The following LRBA variants were observed in gnomAD, a reference collection of about 807,000 sequenced individuals.
The protein encoded by LRBA is LPS responsive beige-like anchor protein.
A neutral mutation model predicts 330.0 loss-of-function variants in LRBA; 176 were observed. The observed-to-expected ratio is 0.53, with a 90% confidence interval of 0.47 to 0.60. The LOEUF (loss-of-function observed/expected upper bound fraction) is 0.60, where lower values mean the gene tolerates loss of function less well. Among genes scored for constraint, LRBA ranks in the 20% least tolerant of loss-of-function variants. LRBA has a pLI of 0.00. For synonymous variants in LRBA, 1,230 were observed against 1,193.0 expected, an observed-to-expected ratio of 1.03 and a Z score of -0.64; for missense variants, 3,259 against 3,444.8, an observed-to-expected ratio of 0.95 and a Z score of 1.35.
chr4:150,588,976 GA>G (rs1455057686), intron 39 of LRBA, among the ~76,000 whole-genome samples: 3 of 151,820 alleles, frequency 2.0e-5, no homozygotes, highest in African/African-American at 7.3e-5. Context: ...ATGTGTATTA[GA>G]GCTAAATATA....
At chr4:150,702,186 G>A (rs1380808058) in intron 36 of LRBA, among the ~76,000 whole-genome samples, 2 of 152,110 alleles carry the variant, frequency 1.3e-5, no homozygotes, top group African/African-American at 4.8e-5. Flanking sequence ...GATTTCGTTT[G>A]CACTGTATTT....
chr4:150,470,039 C>T (rs946866727), intron 43 of LRBA, among the ~76,000 whole-genome samples: 4 of 151,950 alleles, frequency 2.6e-5, no homozygotes, highest in Non-Finnish European at 5.9e-5. Context: ...AAAAATTAGC[C>T]GGGTGTGGTG....
In LRBA at chr4:150,916,650, A is replaced by G; in HGVS notation, c.734T>C (p.Ile245Thr). 1 of 1,600,964 alleles carries G rather than the reference A, an allele frequency of 6.2e-7. No homozygotes were observed. The highest frequency in any genetic ancestry group is 1.7e-5 in the Admixed American group (1 of 57,570). ...ATATGGTTTATCCTTATCTACATTG[A>G]TGTTATTTACAGGATCCATTCTAAG... ...TWLRMDPVNN[I>T]NVDKDKPYLY... The change falls in exon 6 of 57, where the codon ATC (isoleucine) becomes ACC (threonine). Residue 245 changes from isoleucine (I) to threonine (T), a missense_variant. By Grantham distance (89) the Ile-to-Thr change is moderately conservative. Transcript: ENST00000651943.
At chr4:150,573,584 A>G (rs1017116437) in intron 40 of LRBA, among the ~76,000 whole-genome samples, 6 of 152,318 alleles carry the variant, frequency 3.9e-5, no homozygotes, top group South Asian at 2.1e-4. Context: ...TCAATATGCT[A>G]TCTTTTCTTG....
At chr4:150,570,227 T>G (rs2152282546) in intron 40 of LRBA, among the ~76,000 whole-genome samples, 1 of 152,266 alleles carries the variant, frequency 6.6e-6, no homozygotes, top group East Asian at 1.9e-4. Context: ...CGGGAATTTT[T>G]TTTTCCTTCC....
chr4:150,842,752 G>A (rs914797393), intron 28 of LRBA, among the ~76,000 whole-genome samples: 5 of 152,132 alleles, frequency 3.3e-5, no homozygotes, highest in Non-Finnish European at 7.3e-5. Context: ...CTTACTAATT[G>A]TATAATCTTA....
chr4:150,803,083 T>TACAC (rs1553964882), intron 33 of LRBA, among the ~76,000 whole-genome samples: 2,376 of 128,430 alleles, frequency 0.019, 29 homozygotes, highest in South Asian at 0.041. Flanking sequence ...AAAATATATA[T>TACAC]ACACACACAC....
At chr4:150,670,324 C>T (rs77528237) in intron 37 of LRBA, among the ~76,000 whole-genome samples, 16,790 of 152,164 alleles carry the variant, frequency 0.11, 1,318 homozygotes, top group Non-Finnish European at 0.16. Context: ...TCACGATAAA[C>T]TAAAAAATAT....
intron 38 of LRBA, 139 bp downstream of exon 38, chr4:150,598,863 AAAATT>A: frequency 1.1e-6 from 1 of 895,030 alleles, no homozygotes; most frequent in Non-Finnish European, 1.7e-6. Context: ...TAACTATAAA[AAAATT>A]TAACTTCTCT....
intron 44 of LRBA, among the ~76,000 whole-genome samples, chr4:150,464,442 C>T (rs1329073259): frequency 6.6e-6 from 1 of 152,076 alleles, no homozygotes; most frequent in Non-Finnish European, 1.5e-5. Context: ...GCTCATTACA[C>T]AAGTCAAACT....
At chr4:150,811,227 T>C (rs1743673719) in intron 31 of LRBA, among the ~76,000 whole-genome samples, 1 of 152,210 alleles carries the variant, frequency 6.6e-6, no homozygotes, top group Non-Finnish European at 1.5e-5. Context: ...AATTAAATAG[T>C]TCTGTTTTCT....
chr4:150,357,053 A>G lies in LRBA; in HGVS notation c.7195-6894T>C, dbSNP rs1270803967. 2.0e-5 allele frequency among the ~76,000 whole-genome samples: 3 copies of G among 152,002 alleles called. No homozygotes were observed. In the East Asian group the frequency reaches 5.8e-4, roughly 29 times the overall value. ...CAGTTTTAAAAAATGAAATTTAGTCAACAACATACTGAAGTTCAGCCTGAA... is the reference window on the plus strand; with the variant it reads ...CAGTTTTAAAAAATGAAATTTAGTCGACAACATACTGAAGTTCAGCCTGAA... On this transcript the variant is annotated intron_variant, in intron 47 of 56. Transcript: ENST00000651943.
At chr4:150,626,502 T>TA (rs1776875660) in intron 37 of LRBA, among the ~76,000 whole-genome samples, 1 of 152,148 alleles carries the variant, frequency 6.6e-6, no homozygotes, top group Admixed American at 6.5e-5. Flanking sequence ...CTTCATACTC[T>TA]AGGGGTACAT....
intron 47 of LRBA, among the ~76,000 whole-genome samples, chr4:150,410,219 C>G (rs959113065): frequency 6.6e-6 from 1 of 151,844 alleles, no homozygotes; most frequent in Admixed American, 6.6e-5. Flanking sequence ...ATTTTCCATT[C>G]AGAGAAAAAA....
chr4:150,962,035 T>C (rs749012175), intron 2 of LRBA, among the ~76,000 whole-genome samples: 13 of 149,394 alleles, frequency 8.7e-5, no homozygotes, highest in Non-Finnish European at 1.5e-4. Flanking sequence ...CTAGGTAATC[T>C]AGCTACAAAG....
intron 15 of LRBA, 129 bp downstream of exon 15, chr4:150,897,610 T>C: frequency 1.6e-6 from 1 of 625,970 alleles, no homozygotes; most frequent in Non-Finnish European, 2.8e-6. Flanking sequence ...CATGGAAATA[T>C]CTTTCAAAGT....
intron 47 of LRBA, among the ~76,000 whole-genome samples, chr4:150,414,134 A>G (rs1010281944): frequency 2.6e-5 from 4 of 152,230 alleles, no homozygotes; most frequent in Admixed American, 6.5e-5. Context: ...GTTTACTCAT[A>G]ATTTCAAAAT....
rs1171485399 is a variant in LRBA at position 150,335,483 on chromosome 4, ATGTGTGTG to A, written c.7363-9593_7363-9586del. 4.2e-5 allele frequency among the ~76,000 whole-genome samples: 4 copies of A among 95,388 alleles called. No homozygotes were observed. In the East Asian group the frequency reaches 9.0e-4, roughly 22 times the overall value. The allele number at this position is 95,388 out of a possible 152,430, so 62.6% of individuals were successfully genotyped here. On this transcript the variant is annotated intron_variant, in intron 48 of 56. Transcript: ENST00000651943. ...TATATGTGTATATATATACGTATATATGTGTGTGTATATATATATACACACACATATAC... is the reference window on the plus strand; with the variant it reads ...TATATGTGTATATATATACGTATATATATATATATATACACACACATATAC...
chr4:150,899,656 C>T (rs529389935), intron 14 of LRBA, among the ~76,000 whole-genome samples: 1 of 152,116 alleles, frequency 6.6e-6, no homozygotes, highest in African/African-American at 2.4e-5. Context: ...AAGCAGATAA[C>T]TCCTACTTCT....
Sources: allele counts gnomAD v4.1 joint callset (sites outside exome capture counted in the v4.1 genomes callset), GRCh38; gene constraint gnomAD v4.1.1; transcripts MANE v1.5; gene names NCBI Gene and HGNC (gene_info 2026-07-23, HGNC 2026-07-21).